The following CASK variants were observed in gnomAD, a reference collection of about 807,000 sequenced individuals.
The protein encoded by CASK is peripheral plasma membrane protein CASK.
Under a neutral mutation model 82.9 loss-of-function variants are expected in CASK, and 4 were observed. That is an observed-to-expected ratio of 0.05 (90% confidence interval 0.02 to 0.11). The LOEUF (loss-of-function observed/expected upper bound fraction) is 0.11, where lower values mean the gene tolerates loss of function less well. Among genes scored for constraint, CASK ranks in the 10% least tolerant of loss-of-function variants. The probability of loss-of-function intolerance (pLI) is 1.00; values close to 1 mark genes in which losing one functional copy is unlikely to be tolerated. For synonymous variants in CASK, 259 were observed against 253.5 expected, an observed-to-expected ratio of 1.02 and a Z score of -0.20; for missense variants, 358 against 720.9, an observed-to-expected ratio of 0.50 and a Z score of 5.76.
At chrX:41,626,064 A>G (rs1342550647) in intron 10 of CASK, among the ~76,000 whole-genome samples, 1 of 104,107 alleles carries the variant, frequency 9.6e-6, no homozygotes. Flanking sequence ...TTGGCCTCCC[A>G]AAGTGCTGGG....
In CASK at chrX:41,888,793, ATATATGTATATATACATG is replaced by A. The variant is rs751207438; in HGVS notation, c.59+34119_59+34136del. ...TATGTATATATACATGTATGTGTAT[ATATATGTATATATACATG>A]TATATGTATATATGTATGTATATAT... is the stretch of plus-strand genomic sequence containing the variant. On this transcript the variant is annotated intron_variant, in intron 1 of 26. Coordinates refer to ENST00000378163, the MANE Select transcript of CASK (RefSeq NM_001367721.1). Among the ~76,000 whole-genome samples, 21 of 105,366 alleles carry A rather than the reference ATATATGTATATATACATG, an allele frequency of 2.0e-4. No individual in the cohort carries two copies. In the East Asian group the frequency reaches 5.8e-3, roughly 29 times the overall value. 91.5% of individuals were successfully genotyped at this position (105,366 alleles called of 115,157 possible).
chrX:41,785,747 A>G (rs2069584540), intron 3 of CASK, among the ~76,000 whole-genome samples: 1 of 112,078 alleles, frequency 8.9e-6, no homozygotes, highest in African/African-American at 3.2e-5. Flanking sequence ...TGTAGGGGGC[A>G]ACTTGTGAAA....
chrX:41,862,058 A>AC (rs967857474), intron 1 of CASK, among the ~76,000 whole-genome samples: 6 of 108,732 alleles, frequency 5.5e-5, no homozygotes, highest in African/African-American at 1.7e-4. Context: ...AAATAGTATA[A>AC]CACTATGAGT....
intron 5 of CASK, among the ~76,000 whole-genome samples, chrX:41,682,527 A>AG (rs1302705570): frequency 3.9e-4 from 19 of 48,188 alleles, no homozygotes; most frequent in African/African-American, 1.1e-3. Flanking sequence ...AGACTGTCTC[A>AG]GGAAAAAAAA....
At chrX:41,633,156 C>T (rs1332211143) in intron 9 of CASK, among the ~76,000 whole-genome samples, 1 of 110,497 alleles carries the variant, frequency 9.1e-6, no homozygotes, top group African/African-American at 3.3e-5. Flanking sequence ...AACTGAATCA[C>T]GTGGACTCGA....
Position 41,696,662 on chromosome X carries a change from T to C in CASK, c.430-25132A>G, listed in dbSNP as rs773951356. 3.3e-6 allele frequency: 4 copies of C among 1,210,489 alleles called. No homozygotes were observed. The Admixed American group carries it at 8.7e-5, about 26-fold the overall frequency. ...GCAAAATAATGTGCCAACTTCTTTT[T>C]AGACGATTTCAAGGTGAACCAAGTA... On this transcript the variant is annotated intron_variant, in intron 5 of 26. Coordinates refer to ENST00000378163, the MANE Select transcript of CASK (RefSeq NM_001367721.1).
chrX:41,705,538 G>A (rs1485577115), intron 5 of CASK, among the ~76,000 whole-genome samples: 3 of 110,402 alleles, frequency 2.7e-5, no homozygotes, highest in Admixed American at 9.6e-5. Context: ...CTGGGTGACA[G>A]AGATCTTCTA....
At chrX:41,737,908 C>T (rs1224744408) in intron 5 of CASK, among the ~76,000 whole-genome samples, 2 of 112,935 alleles carry the variant, frequency 1.8e-5, no homozygotes, top group Non-Finnish European at 3.7e-5. Context: ...AATAACTGCA[C>T]AGCAAACTAC....
chrX:41,623,828 C>G (rs1181767242), intron 10 of CASK, among the ~76,000 whole-genome samples: 1 of 111,614 alleles, frequency 9.0e-6, no homozygotes, highest in Non-Finnish European at 1.9e-5. Context: ...CCTGCCTCAG[C>G]CTCCCTAGTA....
intron 1 of CASK, among the ~76,000 whole-genome samples, chrX:41,855,868 C>T (rs1179071337): frequency 1.8e-5 from 2 of 112,361 alleles, no homozygotes; most frequent in Non-Finnish European, 3.8e-5. Context: ...CAACTCTTTA[C>T]AAATTCTGAA....
chrX:41,837,781 G>T (rs1025261369), intron 2 of CASK, among the ~76,000 whole-genome samples: 2 of 111,753 alleles, frequency 1.8e-5, no homozygotes. Context: ...TAGCTATGAC[G>T]AGTATAGCTG....
intron 5 of CASK, among the ~76,000 whole-genome samples, chrX:41,693,182 A>G (rs2067608534): frequency 9.0e-6 from 1 of 111,516 alleles, no homozygotes; most frequent in Non-Finnish European, 1.9e-5. Context: ...TGAACCTATG[A>G]GAGCTCCCTA....
intron 21 of CASK, among the ~76,000 whole-genome samples, chrX:41,545,627 G>A (rs879040757): frequency 8.1e-5 from 9 of 111,420 alleles, no homozygotes; most frequent in South Asian, 3.8e-4. Flanking sequence ...AGAGCATTTT[G>A]GCTATTCCCG....
chrX:41,537,818 TTTATTATTATTATTA>T (rs55857120), intron 22 of CASK, among the ~76,000 whole-genome samples: 8 of 95,364 alleles, frequency 8.4e-5, no homozygotes, highest in African/African-American at 1.5e-4. Flanking sequence ...GCCTATTACT[TTTATTATTATTATTA>T]TTATTATTAT....
intron 5 of CASK, among the ~76,000 whole-genome samples, chrX:41,707,594 C>T (rs1048735734): frequency 1.8e-5 from 2 of 112,157 alleles, no homozygotes; most frequent in Non-Finnish European, 3.8e-5. Context: ...ATGTGTAGCA[C>T]TGATTTCTAA....
intron 8 of CASK, among the ~76,000 whole-genome samples, chrX:41,645,924 C>G (rs757810869): frequency 9.1e-6 from 1 of 110,052 alleles, no homozygotes; most frequent in East Asian, 2.9e-4. Context: ...GATAGATGCT[C>G]CTGCAGAAAT....
intron 1 of CASK, among the ~76,000 whole-genome samples, chrX:41,873,785 C>CTTTTT (rs781735208): frequency 2.3e-5 from 2 of 88,592 alleles, no homozygotes; most frequent in East Asian, 3.5e-4. Flanking sequence ...TTTGTTGTTC[C>CTTTTT]TTTTTTTTTT....
At chrX:41,873,283 CAAAAAA>C (rs1175165867) in intron 1 of CASK, among the ~76,000 whole-genome samples, 4 of 31,298 alleles carry the variant, frequency 1.3e-4, no homozygotes, top group African/African-American at 3.7e-4. Flanking sequence ...TTCTTCCTCA[CAAAAAA>C]AAAAAAAAAA....
intron 6 of CASK, among the ~76,000 whole-genome samples, chrX:41,670,839 T>C (rs1274510362): frequency 8.9e-6 from 1 of 112,298 alleles, no homozygotes; most frequent in African/African-American, 3.2e-5. Flanking sequence ...ATGTTCTAGC[T>C]ATAAGGAATT....
Sources: allele counts gnomAD v4.1 joint callset (sites outside exome capture counted in the v4.1 genomes callset), GRCh38; gene constraint gnomAD v4.1.1; transcripts MANE v1.5; gene names NCBI Gene and HGNC (gene_info 2026-07-23, HGNC 2026-07-21).